Variants in ARFGEF1 observed in about 807,000 individuals in gnomAD.
ARFGEF1 encodes ARF guanine nucleotide exchange factor 1.
In ARFGEF1, 42 loss-of-function variants were observed where a neutral mutation model predicts 231.0. The ratio of observed to expected loss-of-function variants is 0.18; its 90% confidence interval spans 0.14 to 0.24. ARFGEF1 has a LOEUF of 0.24. ARFGEF1 is among the 10% of genes least tolerant of loss of function. The pLI, the probability that ARFGEF1 is intolerant of heterozygous loss-of-function variation, is 1.00. For missense variants in ARFGEF1, 1,345 were observed against 2,192.0 expected (o/e 0.61, Z 7.72); for synonymous variants, 710 against 732.3 (o/e 0.97, Z 0.49).
At chr8:67,231,654 G>T (rs772216460) in intron 23 of ARFGEF1, among the ~76,000 whole-genome samples, 1 of 152,048 alleles carries the variant, frequency 6.6e-6, no homozygotes, top group Admixed American at 6.6e-5. Context: ...AAGCTAGCCC[G>T]GTAGCAGAAG....
chr8:67,317,321 C>T (rs183414991), intron 1 of ARFGEF1, among the ~76,000 whole-genome samples: 2 of 152,236 alleles, frequency 1.3e-5, no homozygotes, highest in East Asian at 3.9e-4. Flanking sequence ...GTCAGAAGTG[C>T]TTGTGGTCTG....
intron 1 of ARFGEF1, among the ~76,000 whole-genome samples, chr8:67,321,585 C>A (rs1052867820): frequency 5.3e-5 from 8 of 152,100 alleles, no homozygotes; most frequent in Non-Finnish European, 1.2e-4. Flanking sequence ...CTCAGCCTCC[C>A]GAGTAGCTGG....
At chr8:67,182,365 C>T (rs933952561) in intron 5 of ARFGEF1, among the ~76,000 whole-genome samples, 3 of 151,848 alleles carry the variant, frequency 2.0e-5, no homozygotes, top group African/African-American at 4.8e-5. Context: ...GTGTGTACCA[C>T]GTTTTGTTTA....
downstream of ARFGEF1, chr8:67,193,386 C>G: frequency 7.6e-7 from 1 of 1,324,420 alleles, no homozygotes; most frequent in East Asian, 2.4e-5. Context: ...TGATAGGCAC[C>G]ATGCCTGGCC....
intron 7 of ARFGEF1, among the ~76,000 whole-genome samples, chr8:67,286,313 T>G (rs1805756638): frequency 6.6e-6 from 1 of 152,228 alleles, no homozygotes; most frequent in African/African-American, 2.4e-5. Context: ...CACTGTTCCT[T>G]TTTTCGAACT....
At chr8:67,326,531 T>G (rs1484128895) in intron 1 of ARFGEF1, among the ~76,000 whole-genome samples, 1 of 152,242 alleles carries the variant, frequency 6.6e-6, no homozygotes, top group African/African-American at 2.4e-5. Context: ...CTTAGGTTTC[T>G]TTTTTGTGAT....
At chr8:67,187,011 ATCTAATCT>A (rs1267912637) in intron 5 of ARFGEF1, among the ~76,000 whole-genome samples, 1 of 150,176 alleles carries the variant, frequency 6.7e-6, no homozygotes, top group Non-Finnish European at 1.5e-5. Flanking sequence ...CTATCTATCT[ATCTAATCT>A]ATCTATCTAG....
intron 5 of ARFGEF1, among the ~76,000 whole-genome samples, chr8:67,294,627 A>G (rs1806151550): frequency 6.6e-6 from 1 of 152,188 alleles, no homozygotes; most frequent in African/African-American, 2.4e-5. Context: ...AGAAGTTTAC[A>G]TATAAAGGGA....
chr8:67,182,852 GA>G (rs1313655504), intron 5 of ARFGEF1, among the ~76,000 whole-genome samples: 1 of 152,096 alleles, frequency 6.6e-6, no homozygotes, highest in Non-Finnish European at 1.5e-5. Context: ...TGAGTTGTGG[GA>G]GTTCTTTATT....
At chr8:67,193,121 G>T (rs1003276399), downstream of ARFGEF1, among the ~76,000 whole-genome samples, 3 of 151,976 alleles carry the variant, frequency 2.0e-5, no homozygotes, top group Non-Finnish European at 4.4e-5. Context: ...TGATTTGCTG[G>T]TTTTTTTCTT....
intron 6 of ARFGEF1, among the ~76,000 whole-genome samples, chr8:67,291,165 G>C (rs1205927813): frequency 6.6e-6 from 1 of 152,044 alleles, no homozygotes. Context: ...CAACTCCCTG[G>C]TAGTTTCACA....
intron 1 of ARFGEF1, among the ~76,000 whole-genome samples, chr8:67,318,842 G>A (rs944617439): frequency 3.9e-5 from 6 of 152,136 alleles, no homozygotes; most frequent in African/African-American, 1.4e-4. Context: ...GCAGGGTGGT[G>A]CATGCATGTA....
intron 29 of ARFGEF1, among the ~76,000 whole-genome samples, chr8:67,224,139 A>G (rs939406851): frequency 9.2e-5 from 14 of 152,190 alleles, no homozygotes; most frequent in Admixed American, 5.2e-4. Context: ...AAAATTCGAT[A>G]AAGTTACACA....
chr8:67,301,660 A>C (rs960033435), intron 2 of ARFGEF1, among the ~76,000 whole-genome samples: 4 of 152,166 alleles, frequency 2.6e-5, no homozygotes, highest in African/African-American at 9.7e-5. Flanking sequence ...CTATTACAGA[A>C]ATATTTTATT....
rs943829607 is a variant in ARFGEF1 at position 67,311,716 on chromosome 8, C to T, written c.125-9250G>A. Among the ~76,000 whole-genome samples, 114 of 152,230 alleles carry T rather than the reference C, an allele frequency of 7.5e-4. 1 individual carries two copies. Among genetic ancestry groups the T allele is most frequent in the Non-Finnish European group, 5.3e-4 (36 of 68,038 alleles). On this transcript the variant is annotated intron_variant, in intron 1 of 38. Transcript: ENST00000262215. ...GAAGTGAAGAGCCCTTCTGCCCGGC[C>T]ACCACCCTGTCTGGGAGGTGTGCCC...
At chr8:67,257,997 G>T in intron 16 of ARFGEF1, 88 bp downstream of exon 16, 1 of 1,266,626 alleles carries the variant, frequency 7.9e-7, no homozygotes, top group Non-Finnish European at 1.1e-6. Flanking sequence ...CAGGGGATTA[G>T]GTCCTATTAT....
chr8:67,301,357 G>C lies in ARFGEF1; in HGVS notation c.179C>G (p.Ala60Gly). 1 of 1,613,382 alleles carries C rather than the reference G, an allele frequency of 6.2e-7. No homozygotes were observed. The highest frequency in any genetic ancestry group is 8.5e-7 in the Non-Finnish European group (1 of 1,179,796). ...CACTGGTGGAAGGGTGCTTGATCCA[G>C]CTTTTGCTTCTCCATGAGGAGGACT... ...KQSPPHGEAK[A>G]GSSTLPPVKS... The change falls in exon 3 of 39, where the codon GCT (alanine) becomes GGT (glycine). Residue 60 changes from alanine to glycine, a missense_variant. Coordinates refer to ENST00000262215, the MANE Select transcript of ARFGEF1 (RefSeq NM_006421.5).
chr8:67,186,489 T>C (rs898647395), intron 5 of ARFGEF1, among the ~76,000 whole-genome samples: 8 of 151,322 alleles, frequency 5.3e-5, no homozygotes, highest in African/African-American at 1.9e-4. Flanking sequence ...ACCTAAAGTC[T>C]ACCACCCATT....
At chr8:67,177,792 G>A in intron 5 of ARFGEF1, 1 of 1,078,164 alleles carries the variant, frequency 9.3e-7, no homozygotes, top group Non-Finnish European at 1.4e-6. Context: ...GGCATATGAT[G>A]ATCAAGTAAT....
Sources: allele counts gnomAD v4.1 joint callset (sites outside exome capture counted in the v4.1 genomes callset), GRCh38; gene constraint gnomAD v4.1.1; transcripts MANE v1.5; gene names NCBI Gene and HGNC (gene_info 2026-07-23, HGNC 2026-07-21).